Variants in CSMD1 observed in about 807,000 individuals in gnomAD.
CSMD1 encodes the protein CUB and Sushi multiple domains 1.
In CSMD1, 213 loss-of-function variants were observed where a neutral mutation model predicts 417.5. That is an observed-to-expected ratio of 0.51 (90% confidence interval 0.46 to 0.57). The LOEUF (loss-of-function observed/expected upper bound fraction) is 0.57. CSMD1 is among the 20% of genes least tolerant of loss of function. CSMD1 has a pLI of 0.00. For missense variants in CSMD1, 6,923 were observed against 4,529.7 expected, an observed-to-expected ratio of 1.53 and a Z score of -15.17; for synonymous variants, 2,862 against 1,736.8, an observed-to-expected ratio of 1.65 and a Z score of -16.11.
intron 5 of CSMD1, among the ~76,000 whole-genome samples, chr8:3,915,929 A>G (rs549326958): frequency 6.6e-6 from 1 of 151,224 alleles, no homozygotes; most frequent in Non-Finnish European, 1.5e-5. Flanking sequence ...AGGCAGACCT[A>G]CATAAACTGG....
chr8:4,426,492 G>C (rs898317620), intron 2 of CSMD1, among the ~76,000 whole-genome samples: 1 of 147,304 alleles, frequency 6.8e-6, no homozygotes, highest in Admixed American at 6.8e-5. Context: ...GACATATATA[G>C]TAAAGTTTTT....
intron 5 of CSMD1, among the ~76,000 whole-genome samples, chr8:3,855,298 T>C (rs950081647): frequency 6.6e-6 from 1 of 152,138 alleles, no homozygotes. Context: ...AATTTAAACT[T>C]GAGGCATTAA....
intron 3 of CSMD1, among the ~76,000 whole-genome samples, chr8:4,114,045 G>T (rs1415648557): frequency 6.6e-6 from 1 of 152,178 alleles, no homozygotes; most frequent in Non-Finnish European, 1.5e-5. Context: ...GATGAAGACG[G>T]CTACAATAAA....
chr8:3,348,770 GACTTCTAGATCTAAATTTGTATCAA>G, intron 21 of CSMD1, among the ~76,000 whole-genome samples: 1 of 152,130 alleles, frequency 6.6e-6, no homozygotes. Flanking sequence ...GAGAAAAATT[GACTTCTAGATCTAAATTTGTATCAA>G]ACAAAATTCC....
At chr8:4,192,718 G>C (rs1350780062) in intron 3 of CSMD1, among the ~76,000 whole-genome samples, 1 of 152,122 alleles carries the variant, frequency 6.6e-6, no homozygotes, top group African/African-American at 2.4e-5. Context: ...TCGGGTATGA[G>C]GAATTGTCTA....
chr8:3,484,908 G>A (rs990819589), intron 11 of CSMD1, among the ~76,000 whole-genome samples: 1 of 152,268 alleles, frequency 6.6e-6, no homozygotes, highest in African/African-American at 2.4e-5. Context: ...CAGAAAAAGT[G>A]GTGATAAAAC....
At chr8:3,651,824 C>A (rs1173683348) in intron 7 of CSMD1, among the ~76,000 whole-genome samples, 1 of 143,974 alleles carries the variant, frequency 6.9e-6, no homozygotes, top group Non-Finnish European at 1.5e-5. Context: ...TCAGAGCACC[C>A]ACCACCATCA....
Position 3,944,642 on chromosome 8 carries a change from C to T in CSMD1, c.818+53261G>A, listed in dbSNP as rs115543342. On this transcript the variant is annotated intron_variant, in intron 5 of 69. Coordinates refer to ENST00000635120, the MANE Select transcript of CSMD1 (RefSeq NM_033225.6). ...ACCAACAGAGACTTTTCCTTTATAACTGGTGGATTCATTTTTGGGGAATGG... is the reference window on the plus strand; with the variant it reads ...ACCAACAGAGACTTTTCCTTTATAATTGGTGGATTCATTTTTGGGGAATGG... 9.1e-3 allele frequency among the ~76,000 whole-genome samples: 1,384 copies of T among 152,250 alleles called. 18 individuals carry two copies. The highest frequency in any genetic ancestry group is 0.031 in the African/African-American group (1,291 of 41,560).
At chr8:3,519,377 A>G (rs73176939) in intron 10 of CSMD1, among the ~76,000 whole-genome samples, 21,605 of 152,232 alleles carry the variant, frequency 0.14, 1,686 homozygotes, top group Admixed American at 0.22. Flanking sequence ...AAGGGTTTCT[A>G]TGGATTATGC....
intron 1 of CSMD1, among the ~76,000 whole-genome samples, chr8:4,973,055 T>C (rs1005370523): frequency 5.3e-5 from 8 of 152,172 alleles, no homozygotes; most frequent in African/African-American, 1.9e-4. Context: ...GGTAAAATAA[T>C]GCATAGAACC....
intron 3 of CSMD1, among the ~76,000 whole-genome samples, chr8:4,417,015 T>C (rs145047787): frequency 5.3e-4 from 81 of 152,194 alleles, no homozygotes; most frequent in African/African-American, 1.8e-3. Flanking sequence ...TTAAGACTAA[T>C]GTCCAAGTAT....
At chr8:3,887,516 T>G (rs1223729655) in intron 5 of CSMD1, among the ~76,000 whole-genome samples, 1 of 152,224 alleles carries the variant, frequency 6.6e-6, no homozygotes, top group Non-Finnish European at 1.5e-5. Flanking sequence ...TGCCTGTTTT[T>G]GTAAACATGA....
chr8:4,667,546 G>A (rs1805019177), intron 1 of CSMD1, among the ~76,000 whole-genome samples: 1 of 151,758 alleles, frequency 6.6e-6, no homozygotes, highest in African/African-American at 2.4e-5. Context: ...CTATATTAGT[G>A]TATTGTAGTT....
At chr8:4,296,111 T>A (rs1797667749) in intron 3 of CSMD1, among the ~76,000 whole-genome samples, 1 of 152,036 alleles carries the variant, frequency 6.6e-6, no homozygotes, top group Admixed American at 6.6e-5. Context: ...AGGAGAGAAA[T>A]CTTAATCAAA....
At chr8:2,987,654 C>T (rs967049300) in intron 54 of CSMD1, among the ~76,000 whole-genome samples, 11 of 152,262 alleles carry the variant, frequency 7.2e-5, no homozygotes, top group East Asian at 1.9e-4. Context: ...AACATAAAAT[C>T]GGAGGATGAA....
At chr8:3,072,551 C>A (rs915305730) in intron 49 of CSMD1, among the ~76,000 whole-genome samples, 1 of 152,110 alleles carries the variant, frequency 6.6e-6, no homozygotes, top group Admixed American at 6.5e-5. Flanking sequence ...CAGTTCTTGG[C>A]GTAGGTGTTT....
At chr8:4,901,839 A>G (rs1026174567) in intron 1 of CSMD1, among the ~76,000 whole-genome samples, 3 of 151,670 alleles carry the variant, frequency 2.0e-5, no homozygotes, top group Non-Finnish European at 4.4e-5. Flanking sequence ...AATCTGAGTG[A>G]GTAGCATCAT....
At chr8:4,189,971 G>A (rs991158188) in intron 3 of CSMD1, among the ~76,000 whole-genome samples, 1 of 151,828 alleles carries the variant, frequency 6.6e-6, no homozygotes, top group African/African-American at 2.4e-5. Context: ...CTTAAAAGCA[G>A]AGACTCGCCA....
At chr8:4,274,102 T>C in intron 3 of CSMD1, among the ~76,000 whole-genome samples, 1 of 152,168 alleles carries the variant, frequency 6.6e-6, no homozygotes. Flanking sequence ...ATATGGAACA[T>C]ATTAAATAAC....
Sources: gnomAD v4.1 joint callset for allele counts (sites outside exome capture counted in the v4.1 genomes callset) on GRCh38, gnomAD v4.1.1 for gene constraint, MANE v1.5 for transcripts, NCBI Gene and HGNC (gene_info 2026-07-23, HGNC 2026-07-21) for gene names.